Variants in CDH4 observed in about 807,000 individuals in gnomAD.
CDH4 encodes the protein cadherin-4.
In CDH4, 33 loss-of-function variants were observed where a neutral mutation model predicts 86.0. That is an observed-to-expected ratio of 0.38 (90% CI 0.29 to 0.51). CDH4 has a LOEUF of 0.51. Among genes scored for constraint, CDH4 ranks in the 20% least tolerant of loss-of-function variants. CDH4 has a pLI of 0.86. For synonymous variants in CDH4, 555 were observed against 549.4 expected (o/e 1.01, Z -0.14); for missense variants, 1,114 against 1,307.4 (o/e 0.85, Z 2.28).
At chr20:61,854,698 C>G (rs1299387761) in intron 6 of CDH4, among the ~76,000 whole-genome samples, 4 of 146,418 alleles carry the variant, frequency 2.7e-5, no homozygotes, top group Non-Finnish European at 6.0e-5. Context: ...GGCCCACCCC[C>G]AGGGCTGCAG....
At chr20:61,795,187 G>A (rs1568820333) in intron 4 of CDH4, among the ~76,000 whole-genome samples, 1 of 24,364 alleles carries the variant, frequency 4.1e-5, no homozygotes, top group Non-Finnish European at 9.8e-5. Context: ...ATTAAGAGGA[G>A]GACAAGGGCT....
chr20:61,868,300 G>A (rs1983640184), intron 6 of CDH4, among the ~76,000 whole-genome samples: 1 of 152,200 alleles, frequency 6.6e-6, no homozygotes. Flanking sequence ...AGATGGGAGG[G>A]AATTCAGTCC....
chr20:61,701,490 G>A (rs529324502), intron 2 of CDH4, among the ~76,000 whole-genome samples: 2 of 152,334 alleles, frequency 1.3e-5, no homozygotes, highest in South Asian at 4.1e-4. Flanking sequence ...GGTGCAGCTG[G>A]CAGTGCCATG....
At chr20:61,470,929 T>C (rs946962382) in intron 2 of CDH4, among the ~76,000 whole-genome samples, 6 of 152,116 alleles carry the variant, frequency 3.9e-5, no homozygotes, top group Non-Finnish European at 7.4e-5. Flanking sequence ...GCTGTTGAAA[T>C]TGGTTTGCTA....
At chr20:61,565,227 G>GTGCTCT (rs1163070288) in intron 2 of CDH4, among the ~76,000 whole-genome samples, 2 of 41,746 alleles carry the variant, frequency 4.8e-5, no homozygotes, top group Non-Finnish European at 1.0e-4. Flanking sequence ...GTGGTAGGTG[G>GTGCTCT]TGGTGGTGGT....
At chr20:61,353,657 TC>T (rs1678922347) in intron 2 of CDH4, among the ~76,000 whole-genome samples, 1 of 1,148 alleles carries the variant, frequency 8.7e-4, no homozygotes, top group Non-Finnish European at 1.9e-3. Context: ...CTCCTCCTCT[TC>T]TTCCTCCTCT....
At chr20:61,897,294 G>A (rs117691460) in intron 8 of CDH4, among the ~76,000 whole-genome samples, 15 of 151,806 alleles carry the variant, frequency 9.9e-5, no homozygotes, top group East Asian at 3.9e-4. Context: ...TCCCCATCCC[G>A]AGACTCTGGG....
intron 6 of CDH4, among the ~76,000 whole-genome samples, chr20:61,860,543 C>T (rs909823458): frequency 6.6e-6 from 1 of 152,144 alleles, no homozygotes; most frequent in Non-Finnish European, 1.5e-5. Flanking sequence ...CTGCCTGCTC[C>T]CAGGAGATGT....
intron 2 of CDH4, among the ~76,000 whole-genome samples, chr20:61,649,229 G>A (rs868790339): frequency 4.6e-5 from 7 of 152,270 alleles, no homozygotes; most frequent in Non-Finnish European, 7.3e-5. Flanking sequence ...GACCCCACAG[G>A]GCCCCCCGAG....
intron 2 of CDH4, among the ~76,000 whole-genome samples, chr20:61,704,181 T>C (rs2087805945): frequency 6.6e-6 from 1 of 152,072 alleles, no homozygotes; most frequent in Non-Finnish European, 1.5e-5. Context: ...GTTTGAGAAG[T>C]GCAGACGGGA....
intron 2 of CDH4, among the ~76,000 whole-genome samples, chr20:61,700,099 T>A (rs2087759242): frequency 6.6e-6 from 1 of 152,174 alleles, no homozygotes; most frequent in Non-Finnish European, 1.5e-5. Context: ...ATGTGGTGGC[T>A]TCCCTTCTCC....
chr20:61,747,902 G>T (rs1367702579), intron 3 of CDH4, among the ~76,000 whole-genome samples: 1 of 151,782 alleles, frequency 6.6e-6, no homozygotes, highest in Admixed American at 6.6e-5. Flanking sequence ...TTTAGGCATG[G>T]ATTCAAGAAG....
intron 2 of CDH4, among the ~76,000 whole-genome samples, chr20:61,486,216 A>T (rs1457946936): frequency 2.6e-5 from 4 of 152,234 alleles, no homozygotes; most frequent in Non-Finnish European, 5.9e-5. Context: ...TAAGCAAAAT[A>T]CAGCCCAGAA....
chr20:61,698,411 G>A (rs1013299927), intron 2 of CDH4, among the ~76,000 whole-genome samples: 18 of 152,252 alleles, frequency 1.2e-4, no homozygotes, highest in Admixed American at 4.6e-4. Flanking sequence ...AGTGGGAGCC[G>A]CAGCCCTGCC....
chr20:61,664,077 G>A (rs1321108759), intron 2 of CDH4, among the ~76,000 whole-genome samples: 1 of 152,152 alleles, frequency 6.6e-6, no homozygotes, highest in African/African-American at 2.4e-5. Context: ...CTCAGTCAGT[G>A]CCAGAGAGGA....
At chr20:61,322,106 T>C (rs6028113) in intron 2 of CDH4, among the ~76,000 whole-genome samples, 63,255 of 151,936 alleles carry the variant, frequency 0.42, 13,464 homozygotes, top group Middle Eastern at 0.62. Context: ...GGTCCAGCAG[T>C]TCTTCCGGGT....
At chr20:61,258,347 A>AAAAAATT (rs1340758190) in intron 2 of CDH4, among the ~76,000 whole-genome samples, 1 of 109,940 alleles carries the variant, frequency 9.1e-6, no homozygotes, top group Non-Finnish European at 1.9e-5. Context: ...AAAAAAAAAG[A>AAAAAATT]AAAAAAAAAA....
At chr20:61,786,146 G>C (rs1197369691) in intron 4 of CDH4, among the ~76,000 whole-genome samples, 1 of 152,188 alleles carries the variant, frequency 6.6e-6, no homozygotes, top group East Asian at 1.9e-4. Flanking sequence ...GGACCCTTGA[G>C]AAAGTTGGAC....
chr20:61,502,971 G>A (rs769106923), intron 2 of CDH4, among the ~76,000 whole-genome samples: 4 of 152,172 alleles, frequency 2.6e-5, no homozygotes, highest in Non-Finnish European at 5.9e-5. Flanking sequence ...ATTTCTGCAC[G>A]CCAAAGATGA....
Sources: gnomAD v4.1 joint callset for allele counts (sites outside exome capture counted in the v4.1 genomes callset) on GRCh38, gnomAD v4.1.1 for gene constraint, MANE v1.5 for transcripts, NCBI Gene and HGNC (gene_info 2026-07-23, HGNC 2026-07-21) for gene names.